The following ACYP2 variants were observed in gnomAD, a reference collection of about 807,000 sequenced individuals.
ACYP2 encodes acylphosphatase 2.
ACYP2 carries 12 observed loss-of-function variants against 11.2 expected under a neutral mutation model. That is an observed-to-expected ratio of 1.08 (90% CI 0.69 to 1.74). The LOEUF (loss-of-function observed/expected upper bound fraction) is 1.74. Ranked by LOEUF, ACYP2 falls within the 40% of genes most tolerant of loss-of-function variation. The pLI is 0.00. For synonymous variants in ACYP2, 43 were observed against 32.2 expected (o/e 1.33, Z -1.13); for missense variants, 134 against 101.9 (o/e 1.31, Z -1.35).
intron 2 of ACYP2, among the ~76,000 whole-genome samples, chr2:54,004,321 CAT>C (rs964175333): frequency 6.7e-6 from 1 of 149,756 alleles, no homozygotes; most frequent in Non-Finnish European, 1.5e-5. Flanking sequence ...TCCCTAATGA[CAT>C]ATTCTGTTCA....
chr2:54,194,302 A>T (rs1558602399), intron 6 of ACYP2, among the ~76,000 whole-genome samples: 1 of 152,174 alleles, frequency 6.6e-6, no homozygotes, highest in Non-Finnish European at 1.5e-5. Context: ...GGGCTCCTAA[A>T]GTGCTGGGAT....
chr2:54,168,156 G>A (rs1026846379), intron 6 of ACYP2, among the ~76,000 whole-genome samples: 1 of 152,132 alleles, frequency 6.6e-6, no homozygotes, highest in African/African-American at 2.4e-5. Context: ...CAGGCACAGT[G>A]GCTCACACCT....
In ACYP2 at chr2:54,255,366, C is replaced by G. The variant is rs372937006; in HGVS notation, c.405-49322C>G. 4.2e-5 allele frequency: 67 copies of G among 1,614,046 alleles called. No individual in the cohort carries two copies. The Middle Eastern group carries it at 4.9e-4, about 12-fold the overall frequency. ...CATCTTGGCCTCTAATCATGGCAGA[C>G]AGCTGTGGGTGGTGGCGGAAAGCAG... On this transcript the variant is annotated intron_variant, in intron 6 of 6. Transcript: ENST00000607452.
chr2:53,996,071 T>TG (rs1422637692), intron 2 of ACYP2, among the ~76,000 whole-genome samples: 2 of 151,278 alleles, frequency 1.3e-5, no homozygotes, highest in Non-Finnish European at 2.9e-5. Flanking sequence ...GAGGTGGAGA[T>TG]GGCAGTCAGC....
intron 4 of ACYP2, among the ~76,000 whole-genome samples, chr2:54,087,227 A>G (rs1164636154): frequency 1.3e-5 from 2 of 152,262 alleles, no homozygotes; most frequent in African/African-American, 2.4e-5. Flanking sequence ...CATTAGGGAA[A>G]CACACTTGTA....
chr2:54,012,726 C>T (rs1673442729), intron 2 of ACYP2, among the ~76,000 whole-genome samples: 1 of 152,154 alleles, frequency 6.6e-6, no homozygotes, highest in African/African-American at 2.4e-5. Flanking sequence ...TCCCAAGCCT[C>T]CCAGTTGCTT....
intron 6 of ACYP2, among the ~76,000 whole-genome samples, chr2:54,246,584 TAA>T (rs1467846369): frequency 5.9e-5 from 9 of 152,212 alleles, no homozygotes; most frequent in Non-Finnish European, 1.2e-4. Flanking sequence ...TCGTGCTGCC[TAA>T]GTTTTCTTGT....
chr2:54,227,274 G>A (rs843763), intron 6 of ACYP2, among the ~76,000 whole-genome samples: 87,993 of 151,986 alleles, frequency 0.58, 25,902 homozygotes, highest in African/African-American at 0.68. Context: ...ATTCTTATTC[G>A]AGTCTTATTT....
intron 2 of ACYP2, among the ~76,000 whole-genome samples, chr2:53,992,204 CCTTT>C (rs569850027): frequency 5.3e-5 from 8 of 151,004 alleles, no homozygotes; most frequent in African/African-American, 1.9e-4. Context: ...TTCCTTCCTT[CCTTT>C]CTTCTTTCTC....
intron 4 of ACYP2, among the ~76,000 whole-genome samples, chr2:54,102,314 A>G (rs1279024448): frequency 2.0e-5 from 3 of 152,250 alleles, no homozygotes; most frequent in African/African-American, 7.2e-5. Context: ...AGCTGATGAC[A>G]TTGTTACAAT....
intron 2 of ACYP2, among the ~76,000 whole-genome samples, chr2:54,000,792 A>G (rs1672761620): frequency 6.6e-6 from 1 of 152,182 alleles, no homozygotes; most frequent in South Asian, 2.1e-4. Context: ...TTCCATTCCC[A>G]TTCCTTTGGC....
intron 6 of ACYP2, among the ~76,000 whole-genome samples, chr2:54,292,155 G>T (rs1426116826): frequency 2.0e-5 from 3 of 152,104 alleles, no homozygotes; most frequent in Non-Finnish European, 4.4e-5. Context: ...GGAATTACCA[G>T]CATGACCAGC....
chr2:54,202,706 CTTTTTTTTTTTTTTTTTT>C (rs70944152), intron 6 of ACYP2, among the ~76,000 whole-genome samples: 15 of 43,078 alleles, frequency 3.5e-4, no homozygotes, highest in East Asian at 2.8e-3. Flanking sequence ...CGGCGCCTGG[CTTTTTTTTTTTTTTTTTT>C]TTTTTTTTTT....
intron 6 of ACYP2, among the ~76,000 whole-genome samples, chr2:54,231,348 GATACAT>G (rs1180010595): frequency 1.3e-5 from 2 of 152,116 alleles, no homozygotes; most frequent in African/African-American, 2.4e-5. Context: ...ATGTGTCTGA[GATACAT>G]ATACAAAAGA....
chr2:54,130,348 A>G (rs1680826653), intron 4 of ACYP2, among the ~76,000 whole-genome samples: 1 of 152,182 alleles, frequency 6.6e-6, no homozygotes, highest in African/African-American at 2.4e-5. Flanking sequence ...AAGGAGGCAT[A>G]TCTGGCTGGA....
At chr2:54,227,381 C>T (rs998637438) in intron 6 of ACYP2, among the ~76,000 whole-genome samples, 1 of 152,086 alleles carries the variant, frequency 6.6e-6, no homozygotes, top group African/African-American at 2.4e-5. Flanking sequence ...GTGGCTCTCG[C>T]CTGTATCCCA....
intron 6 of ACYP2, among the ~76,000 whole-genome samples, chr2:54,226,158 A>C (rs1263279407): frequency 6.6e-6 from 1 of 152,236 alleles, no homozygotes; most frequent in Admixed American, 6.5e-5. Context: ...GCCGAAGTTC[A>C]CACTGTGTTA....
At chr2:54,011,641 A>G (rs1673378639) in intron 2 of ACYP2, among the ~76,000 whole-genome samples, 1 of 152,180 alleles carries the variant, frequency 6.6e-6, no homozygotes, top group Non-Finnish European at 1.5e-5. Context: ...TCATTTAGCA[A>G]TAAGCTTTTC....
intron 4 of ACYP2, among the ~76,000 whole-genome samples, chr2:54,077,959 C>G (rs1229151282): frequency 6.9e-6 from 1 of 145,370 alleles, no homozygotes; most frequent in African/African-American, 2.5e-5. Flanking sequence ...ATTGCACTTT[C>G]TTTTCTTTCT....
Sources: gnomAD v4.1 joint callset for allele counts (sites outside exome capture counted in the v4.1 genomes callset) on GRCh38, gnomAD v4.1.1 for gene constraint, MANE v1.5 for transcripts, NCBI Gene and HGNC (gene_info 2026-07-23, HGNC 2026-07-21) for gene names.